The following FDPS variants were observed in gnomAD, a reference collection of about 807,000 sequenced individuals.
FDPS encodes farnesyl pyrophosphate synthase.
FDPS carries 29 observed loss-of-function variants against 49.5 expected under a neutral mutation model. The ratio of observed to expected loss-of-function variants is 0.59; its 90% CI spans 0.44 to 0.80. The LOEUF (loss-of-function observed/expected upper bound fraction) is 0.80, where lower values mean the gene tolerates loss of function less well. FDPS is among the 30% of genes least tolerant of loss of function. The pLI, the probability that FDPS is intolerant of heterozygous loss-of-function variation, is 0.00. For missense variants in FDPS, 414 were observed against 525.6 expected, an observed-to-expected ratio of 0.79 and a Z score of 2.08; for synonymous variants, 172 against 206.4, an observed-to-expected ratio of 0.83 and a Z score of 1.43.
chr1:155,316,673 C>T (rs1416648062), intron 4 of FDPS, among the ~76,000 whole-genome samples: 2 of 151,908 alleles, frequency 1.3e-5, no homozygotes, highest in Non-Finnish European at 2.9e-5. Flanking sequence ...TGCCTGTAGT[C>T]CCAGCTACTT....
Position 155,318,782 on chromosome 1 carries a change from C to G in FDPS, c.773+29C>G. The G allele has an allele frequency of 1.9e-6, 3 of 1,595,064 alleles. No individual in the cohort carries two copies. The highest frequency in any genetic ancestry group is 2.6e-6 in the Non-Finnish European group (3 of 1,162,868). ...AGGGGAGGTGAGGGACAGCGCGAAC[C>G]ATGTCTGGACAGCGAGGGAGGGCTC... On this transcript the variant is annotated intron_variant, in intron 7 of 10. Transcript: ENST00000368356. This position sits in a 1 kb window ranked among gnomAD's most constrained non-coding sequence, Gnocchi z 4.2.
chr1:155,309,573 T>C, intron 1 of FDPS: 1 of 486,366 alleles, frequency 2.1e-6, no homozygotes, highest in Non-Finnish European at 3.7e-6. Flanking sequence ...CTGTTTATTG[T>C]AAGTGGTGAT....
In FDPS at chr1:155,318,058, C is replaced by T. The variant is rs1649680467; in HGVS notation, c.561+37C>T. On this transcript the variant is annotated intron_variant, in intron 5 of 10. Transcript: ENST00000368356. The surrounding 1 kb of genome is among the most constrained non-coding windows in gnomAD (Gnocchi z 4.2). ...AGGAAAATAGCAGTGGGTATGGGGA[C>T]AGGCCACAGGGAGGTGGTTATATAT... 4.3e-6 allele frequency: 7 copies of T among 1,611,648 alleles called. No individual in the cohort carries two copies. In the East Asian group the frequency reaches 6.7e-5, roughly 15 times the overall value.
chr1:155,319,405 T>A (rs866412729), intron 8 of FDPS, among the ~76,000 whole-genome samples: 1 of 152,164 alleles, frequency 6.6e-6, no homozygotes, highest in African/African-American at 2.4e-5. Flanking sequence ...ATTCATCTCT[T>A]TTATGACTCC....
chr1:155,319,006 A>G (rs1649860734), intron 8 of FDPS, 78 bp downstream of exon 8: 1 of 1,033,272 alleles, frequency 9.7e-7, no homozygotes, highest in African/African-American at 1.6e-5. Context: ...GAAAACGTGA[A>G]CACTGCTACC....
intron 4 of FDPS, among the ~76,000 whole-genome samples, chr1:155,315,003 G>A (rs923428117): frequency 3.3e-5 from 5 of 152,238 alleles, no homozygotes; most frequent in Admixed American, 1.3e-4. Flanking sequence ...AATAAACACA[G>A]AGTCAATTAA....
intron 4 of FDPS, among the ~76,000 whole-genome samples, chr1:155,316,449 T>A (rs1161576839): frequency 6.6e-6 from 1 of 152,096 alleles, no homozygotes; most frequent in African/African-American, 2.4e-5. Flanking sequence ...AAGACCCTTG[T>A]CTCTTTAAAA....
chr1:155,317,807 G>A (rs1557980065), intron 4 of FDPS, 134 bp from the exon 5 acceptor site: 5 of 658,248 alleles, frequency 7.6e-6, no homozygotes. Flanking sequence ...CTGCACCACT[G>A]CACTGGATAA....
chr1:155,320,507 C>G lies in FDPS; in HGVS notation c.1158C>G (p.Asp386Glu). 1.2e-6 allele frequency: 2 copies of G among 1,614,064 alleles called. No individual in the cohort carries two copies. The highest frequency in any genetic ancestry group is 8.5e-7 in the Non-Finnish European group (1 of 1,180,020). The change falls in exon 11 of 11, where the codon GAC becomes GAG. Residue 386 changes from aspartate to glutamate, a missense_variant. Transcript: ENST00000368356. ...LPAVFLQYEE[D>E]SYSHIMALIE... ...CAGTGTTCTTGCAATATGAGGAAGA[C>G]AGTTACAGCCACATTATGGCTCTCA... is the stretch of plus-strand genomic sequence containing the variant.
Position 155,318,277 on chromosome 1 carries a change from G to A in FDPS, c.670G>A (p.Glu224Lys), listed in dbSNP as rs139546057. 1.6e-5 allele frequency: 25 copies of A among 1,612,246 alleles called. No individual in the cohort carries two copies. The highest frequency in any genetic ancestry group is 1.9e-5 in the Non-Finnish European group (23 of 1,180,018). ...GCAGCCCTATTACCTGAACCTGATC[G>A]AGCTCTTCCTGCAGGTGTATTGCAG... is the stretch of plus-strand genomic sequence containing the variant. Reference protein sequence around the residue: ...REQPYYLNLIELFLQSSYQTE... With the variant: ...REQPYYLNLIKLFLQSSYQTE... The change falls in exon 6 of 11, where the codon GAG (glutamate) becomes AAG (lysine). Residue 224 changes from glutamate (E) to lysine (K), a missense_variant. Glu to Lys is a moderately conservative substitution (Grantham distance 56). Coordinates refer to ENST00000368356, the MANE Select transcript of FDPS (RefSeq NM_002004.4). The surrounding 1 kb of genome is among the most constrained non-coding windows in gnomAD (Gnocchi z 4.2).
chr1:155,315,493 C>T (rs1032036319), intron 4 of FDPS, among the ~76,000 whole-genome samples: 4 of 152,116 alleles, frequency 2.6e-5, no homozygotes, highest in Non-Finnish European at 5.9e-5. Context: ...TCCTGGCTAA[C>T]ATGGTGAAAC....
chr1:155,310,177 T>C lies in FDPS; in HGVS notation c.311T>C (p.Ile104Thr), dbSNP rs777627832. 5.0e-6 allele frequency: 8 copies of C among 1,613,874 alleles called. No homozygotes were observed. In the East Asian group the frequency reaches 1.8e-4, roughly 36 times the overall value. ...GAGGATGAGATGGGGCACCCAGAGA[T>C]AGGAGATGCTATTGCCCGGCTCAAG... Reference protein sequence around the residue: ...LTEDEMGHPEIGDAIARLKEV... With the variant: ...LTEDEMGHPETGDAIARLKEV... The change falls in exon 3 of 11, where the codon ATA becomes ACA. Residue 104 changes from isoleucine to threonine, a missense_variant. Ile to Thr is a moderately conservative substitution (Grantham distance 89). Transcript: ENST00000368356.
In FDPS at chr1:155,320,373, G is replaced by A. The variant is rs751653283; in HGVS notation, c.1060-36G>A. ...AGGGGTCCTGGAGGCTCTGGGGAAGGCCAAGCCCGTTTTCCTGTCTTTCAA... is the reference window on the plus strand; with the variant it reads ...AGGGGTCCTGGAGGCTCTGGGGAAGACCAAGCCCGTTTTCCTGTCTTTCAA... On this transcript the variant is annotated intron_variant, in intron 10 of 10. Coordinates refer to ENST00000368356, the MANE Select transcript of FDPS (RefSeq NM_002004.4). 8.2e-6 allele frequency: 13 copies of A among 1,581,820 alleles called. No homozygotes were observed. In the East Asian group the frequency reaches 3.0e-4, roughly 36 times the overall value.
chr1:155,313,941 C>A (rs1276790391), intron 4 of FDPS, among the ~76,000 whole-genome samples: 2 of 151,846 alleles, frequency 1.3e-5, no homozygotes, highest in African/African-American at 4.8e-5. Flanking sequence ...GCCTCAGTCT[C>A]CTAAGTAGCT....
At chr1:155,320,125 G>A (rs1650151566) in intron 10 of FDPS, 197 bp downstream of exon 10, 2 of 679,804 alleles carry the variant, frequency 2.9e-6, no homozygotes, top group South Asian at 1.9e-5. Flanking sequence ...TGCCAAACAT[G>A]TAGTACACAG....
chr1:155,317,981 C>A lies in FDPS; in HGVS notation c.521C>A (p.Ser174Ter). 6.2e-7 allele frequency: 1 copy of A among 1,613,424 alleles called. No individual in the cohort carries two copies. Among genetic ancestry groups the A allele is most frequent in the African/African-American group, 1.3e-5 (1 of 75,036 alleles). ...FFLVADDIMD[S>*]SLTRRGQICW... ...CTGGTGGCAGATGACATCATGGATT[C>A]ATCCCTTACCCGCCGGGGACAGATC... The change falls in exon 5 of 11, where the codon TCA becomes TAA. Residue 174 changes from serine to a stop codon, truncating the protein, a stop_gained. Coordinates refer to ENST00000368356, the MANE Select transcript of FDPS (RefSeq NM_002004.4). LOFTEE classifies it high-confidence loss of function.
Position 155,318,847 on chromosome 1 carries a change from C to G in FDPS, c.774-9C>G, listed in dbSNP as rs778567857. 40 of 1,610,874 alleles carry G rather than the reference C, an allele frequency of 2.5e-5. No individual in the cohort carries two copies. The highest frequency in any genetic ancestry group is 4.0e-5 in the African/African-American group (3 of 74,824). On this transcript the variant is annotated splice_polypyrimidine_tract_variant and intron_variant, in intron 7 of 10. Transcript: ENST00000368356. The surrounding 1 kb of genome is among the most constrained non-coding windows in gnomAD (Gnocchi z 4.2). ...CCTCCTGAGGAGTTTCTCTTCTCCC[C>G]TTACTCAGGTACAAATCTATTGTCA...
In FDPS at chr1:155,319,630, A is replaced by C; in HGVS notation, c.866A>C (p.Lys289Thr). Reference protein sequence around the residue: ...AMYMAGIDGEKEHANAKKILL... With the variant: ...AMYMAGIDGETEHANAKKILL... ...CTGCAGGCAGGAATTGATGGCGAGA[A>C]GGAGCACGCCAATGCCAAGAAGATC... Residue 289 changes from lysine to threonine, a missense_variant, in exon 9 of 11, where the codon AAG becomes ACG. Coordinates refer to ENST00000368356, the MANE Select transcript of FDPS (RefSeq NM_002004.4). The C allele has an allele frequency of 6.2e-7, 1 of 1,614,244 alleles. No individual in the cohort carries two copies. Among genetic ancestry groups the C allele is most frequent in the Non-Finnish European group, 8.5e-7 (1 of 1,180,056 alleles).
Position 155,318,109 on chromosome 1 carries a change from G to A in FDPS, c.562-60G>A, listed in dbSNP as rs189381460. 1.3e-5 allele frequency: 21 copies of A among 1,613,486 alleles called. No individual in the cohort carries two copies. In the East Asian group the frequency reaches 2.5e-4, roughly 19 times the overall value. ...GGCCTGGTTGAGGTGTTGGGGTGAT[G>A]GCTCTTAGTATGAACCGAGACTAGA... On this transcript the variant is annotated intron_variant, in intron 5 of 10. Coordinates refer to ENST00000368356, the MANE Select transcript of FDPS (RefSeq NM_002004.4). The surrounding 1 kb of genome is among the most constrained non-coding windows in gnomAD (Gnocchi z 4.2).
Sources: gnomAD v4.1 joint callset for allele counts (sites outside exome capture counted in the v4.1 genomes callset) on GRCh38, gnomAD v4.1.1 for gene constraint, Gnocchi (gnomAD v3.1) non-coding constraint, MANE v1.5 for transcripts, NCBI Gene and HGNC (gene_info 2026-07-23, HGNC 2026-07-21) for gene names.